The following AKAP12 variants were observed in gnomAD, a reference collection of about 807,000 sequenced individuals.
AKAP12 encodes A-kinase anchoring protein 12, also known as A-kinase anchor protein 12.
A neutral mutation model predicts 79.9 loss-of-function variants in AKAP12; 32 were observed. That is an observed-to-expected ratio of 0.40 (90% CI 0.30 to 0.54). The LOEUF is 0.54. Ranked by LOEUF, AKAP12 falls within the 20% of genes least tolerant of loss-of-function variation. The probability of loss-of-function intolerance (pLI) is 0.48; values close to 1 mark genes in which losing one functional copy is unlikely to be tolerated. For missense variants in AKAP12, 2,074 were observed against 2,177.0 expected, an observed-to-expected ratio of 0.95 and a Z score of 0.94; for synonymous variants, 808 against 857.0, an observed-to-expected ratio of 0.94 and a Z score of 1.00.
At position 151,272,354 on chromosome 6, in the gene AKAP12, AAAAAAC is replaced by A. The variant is rs1282186193; in HGVS notation, c.162+31636_162+31641del. ...AGTGAGACCCTGTTTCAAAAAAAAA[AAAAAAC>A]AAAAAAAACAGTGGGGTCCAGCATA... On this transcript the variant is annotated intron_variant, in intron 2 of 4. Transcript: ENST00000402676. 1.2e-3 allele frequency among the ~76,000 whole-genome samples: 179 copies of A among 151,246 alleles called. 1 individual carries two copies. The highest frequency in any genetic ancestry group is 3.9e-3 in the African/African-American group (160 of 41,124).
intron 2 of AKAP12, among the ~76,000 whole-genome samples, chr6:151,301,936 G>A (rs1002334965): frequency 1.3e-5 from 2 of 151,942 alleles, no homozygotes; most frequent in African/African-American, 4.8e-5. Context: ...AGGATGTGTA[G>A]CATTTGACCT....
At chr6:151,336,861 G>A (rs1277546625) in intron 3 of AKAP12, among the ~76,000 whole-genome samples, 2 of 152,188 alleles carry the variant, frequency 1.3e-5, no homozygotes, top group African/African-American at 4.8e-5. Flanking sequence ...CCGTTTGTAT[G>A]TCTTCTTTTG....
At chr6:151,317,722 A>G (rs1328961746) in intron 3 of AKAP12, among the ~76,000 whole-genome samples, 1 of 152,226 alleles carries the variant, frequency 6.6e-6, no homozygotes, top group Non-Finnish European at 1.5e-5. Context: ...ATGTTGCAAA[A>G]TGAGCTGAAG....
At chr6:151,246,985 G>T (rs1366609920) in intron 2 of AKAP12, among the ~76,000 whole-genome samples, 14 of 152,098 alleles carry the variant, frequency 9.2e-5, no homozygotes, top group Admixed American at 4.6e-4. Flanking sequence ...TAGAGACAAG[G>T]TCTCACTGTG....
At position 151,303,840 on chromosome 6, in the gene AKAP12, T is replaced by C. The variant is rs188511139; in HGVS notation, c.163-1907T>C. 6.7e-4 allele frequency among the ~76,000 whole-genome samples: 102 copies of C among 152,332 alleles called. 2 individuals carry two copies. Among genetic ancestry groups the C allele is most frequent in the Non-Finnish European group, 6.9e-4 (47 of 68,036 alleles). On this transcript the variant is annotated intron_variant, in intron 2 of 4. Transcript: ENST00000402676. ...CAAAACATGGCACCTATCTTTATAA[T>C]TGTGTGTAGTAACAGGACCTTCAAA...
Position 151,351,385 on chromosome 6 carries a change from G to T in AKAP12, c.2994G>T (p.Glu998Asp), listed in dbSNP as rs758505376. 1.3e-5 allele frequency: 21 copies of T among 1,614,224 alleles called. No homozygotes were observed. The highest frequency in any genetic ancestry group is 2.2e-5 in the East Asian group (1 of 44,886). The stretch of plus-strand genomic sequence containing the variant: ...GAACCGAAGCATCTGCTGCTGAAGA[G>T]ACCACAGAAATGGTGTCAGCAGTCT... The part of the protein sequence containing the change: ...EEGTEASAAE[E>D]TTEMVSAVSQ... The change falls in exon 4 of 5, where the codon GAG becomes GAT. Residue 998 changes from glutamate (E) to aspartate (D), a missense_variant. By Grantham distance (45) the Glu-to-Asp change is conservative. This residue lies in a region of AKAP12 where 1,428 missense variants were observed against 1,451.0 expected (regional missense o/e 0.98). Transcript: ENST00000402676. This position sits in a 1 kb window ranked among gnomAD's most constrained non-coding sequence, Gnocchi z 4.4.
chr6:151,349,031 G>C lies in AKAP12; in HGVS notation c.640G>C (p.Asp214His), dbSNP rs757336172. The C allele has an allele frequency of 3.7e-6, 6 of 1,613,272 alleles. No individual in the cohort carries two copies. Among genetic ancestry groups the C allele is most frequent in the Non-Finnish European group, 5.1e-6 (6 of 1,179,914 alleles). Residue 214 changes from aspartate to histidine, a missense_variant, in exon 4 of 5, where the codon GAC becomes CAC. This residue lies in a region of AKAP12 where 1,428 missense variants were observed against 1,451.0 expected (regional missense o/e 0.98). Coordinates refer to ENST00000402676, the MANE Select transcript of AKAP12 (RefSeq NM_005100.4). ...AGGGGAGGGAGCAGCAGGGGCTGGC[G>C]ACCACAAGGACCCCAGCCTTGGGGC... The part of the protein sequence containing the change: ...DEGEGAAGAG[D>H]HKDPSLGAGE...
chr6:151,344,056 T>G, intron 3 of AKAP12: 1 of 350,776 alleles, frequency 2.9e-6, no homozygotes, highest in Non-Finnish European at 5.5e-6. Context: ...TAATTTTTCC[T>G]TATTGTTTGT....
At chr6:151,315,568 T>G (rs1000841312) in intron 3 of AKAP12, among the ~76,000 whole-genome samples, 2 of 152,182 alleles carry the variant, frequency 1.3e-5, no homozygotes, top group Admixed American at 1.3e-4. Context: ...ATGAAAATCT[T>G]TTAGGCATTT....
At chr6:151,259,201 C>A (rs934277577) in intron 2 of AKAP12, among the ~76,000 whole-genome samples, 2 of 151,216 alleles carry the variant, frequency 1.3e-5, no homozygotes, top group African/African-American at 4.9e-5. Context: ...CCTGCCACCA[C>A]GCCCCGTTAA....
intron 2 of AKAP12, among the ~76,000 whole-genome samples, chr6:151,261,791 C>G (rs912114768): frequency 6.7e-6 from 1 of 149,116 alleles, no homozygotes; most frequent in Non-Finnish European, 1.5e-5. Context: ...GAGTTTCACT[C>G]TTGTTCCCCA....
chr6:151,256,767 A>T (rs1797306409), intron 2 of AKAP12, among the ~76,000 whole-genome samples: 1 of 151,782 alleles, frequency 6.6e-6, no homozygotes, highest in African/African-American at 2.4e-5. Flanking sequence ...CTCCTGCCTC[A>T]TCCTTTCAAG....
chr6:151,331,003 G>A (rs1013334761), intron 3 of AKAP12, among the ~76,000 whole-genome samples: 2 of 152,138 alleles, frequency 1.3e-5, no homozygotes, highest in African/African-American at 2.4e-5. Context: ...GCACATACAC[G>A]TTATAGACCT....
intron 2 of AKAP12, among the ~76,000 whole-genome samples, chr6:151,252,674 A>G (rs1299409546): frequency 1.3e-5 from 2 of 148,292 alleles, no homozygotes; most frequent in Non-Finnish European, 3.0e-5. Context: ...TGGGAAGATC[A>G]TTTGACTACA....
intron 3 of AKAP12, among the ~76,000 whole-genome samples, chr6:151,321,274 A>C (rs1360271633): frequency 2.0e-5 from 3 of 152,156 alleles, no homozygotes; most frequent in Non-Finnish European, 4.4e-5. Context: ...GGTGTGAGCC[A>C]CCACACCTGG....
At chr6:151,325,576 C>T (rs1427512014) in intron 3 of AKAP12, 3 of 1,323,880 alleles carry the variant, frequency 2.3e-6, no homozygotes, top group Non-Finnish European at 2.9e-6. Flanking sequence ...TCCTGGAGCT[C>T]AGCAAGGGAG....
chr6:151,339,022 CTG>C (rs1562746879), intron 3 of AKAP12, among the ~76,000 whole-genome samples: 1 of 152,206 alleles, frequency 6.6e-6, no homozygotes, highest in African/African-American at 2.4e-5. Flanking sequence ...GAATCACTAT[CTG>C]TGAGTGGGTG....
At position 151,353,052 on chromosome 6, in the gene AKAP12, T is replaced by C. The variant is rs982704856; in HGVS notation, c.4661T>C (p.Ile1554Thr). The C allele has an allele frequency of 6.8e-6, 11 of 1,613,984 alleles. No homozygotes were observed. In the East Asian group the frequency reaches 1.8e-4, roughly 26 times the overall value. Residue 1554 changes from isoleucine (I) to threonine (T), a missense_variant, in exon 4 of 5, where the codon ATC (isoleucine) becomes ACC (threonine). Coordinates refer to ENST00000402676, the MANE Select transcript of AKAP12 (RefSeq NM_005100.4). The part of the protein sequence containing the change: ...TKSSKLVQNI[I>T]QTAVDQFVRT... ...AGCAGTAAACTTGTCCAAAACATCA[T>C]CCAGACAGCCGTTGACCAGTTTGTA...
At chr6:151,332,033 G>GTTGTTTTTGTT (rs1303327962) in intron 3 of AKAP12, among the ~76,000 whole-genome samples, 6,121 of 79,344 alleles carry the variant, frequency 0.077, 557 homozygotes, top group South Asian at 0.18. Context: ...TTCTGGGTCT[G>GTTGTTTTTGTT]TTTTTTTTTT....
Sources: allele counts gnomAD v4.1 joint callset (sites outside exome capture counted in the v4.1 genomes callset), GRCh38; gene constraint gnomAD v4.1.1; regional missense constraint gnomAD v4.1.1; non-coding constraint Gnocchi (gnomAD v3.1); transcripts MANE v1.5; gene names NCBI Gene and HGNC (gene_info 2026-07-23, HGNC 2026-07-21).